Variants in EYS observed in about 807,000 individuals in gnomAD.
EYS encodes the protein EGF-like photoreceptor maintenance factor.
A neutral mutation model predicts 282.1 loss-of-function variants in EYS; 250 were observed. That is an observed-to-expected ratio of 0.89 (90% confidence interval 0.80 to 0.98). The LOEUF is 0.98. Ranked by LOEUF, EYS falls within the 50% of genes least tolerant of loss-of-function variation. The probability of loss-of-function intolerance (pLI) is 0.00; values close to 1 mark genes in which losing one functional copy is unlikely to be tolerated. For missense variants in EYS, 4,016 were observed against 3,709.0 expected (o/e 1.08, Z -2.15); for synonymous variants, 1,355 against 1,282.9 (o/e 1.06, Z -1.20).
intron 31 of EYS, among the ~76,000 whole-genome samples, chr6:64,139,555 T>C (rs1425065760): frequency 6.6e-6 from 1 of 152,176 alleles, no homozygotes; most frequent in Non-Finnish European, 1.5e-5. Flanking sequence ...GCTCCACATA[T>C]TTAAAAGGGA....
At chr6:64,644,955 T>C (rs1768298211) in intron 22 of EYS, among the ~76,000 whole-genome samples, 1 of 152,220 alleles carries the variant, frequency 6.6e-6, no homozygotes, top group Non-Finnish European at 1.5e-5. Flanking sequence ...TTATTAGTAG[T>C]TATTTTCTGT....
At chr6:65,238,068 A>G (rs936248647) in intron 12 of EYS, among the ~76,000 whole-genome samples, 1 of 151,936 alleles carries the variant, frequency 6.6e-6, no homozygotes, top group Admixed American at 6.6e-5. Flanking sequence ...ATAGATGGAA[A>G]CATTTTTCTT....
chr6:65,563,460 AATTT>A (rs965936275), intron 2 of EYS, among the ~76,000 whole-genome samples: 2 of 152,060 alleles, frequency 1.3e-5, no homozygotes, highest in African/African-American at 2.4e-5. Flanking sequence ...GTATGATCAA[AATTT>A]ATTTGTTATA....
At chr6:64,782,797 T>C (rs181113634) in intron 22 of EYS, among the ~76,000 whole-genome samples, 284 of 152,336 alleles carry the variant, frequency 1.9e-3, no homozygotes, top group Non-Finnish European at 3.4e-4. Context: ...CAATTACATA[T>C]ATTTTTTGTT....
intron 28 of EYS, among the ~76,000 whole-genome samples, chr6:64,412,040 C>A (rs1773918636): frequency 9.6e-6 from 1 of 104,256 alleles, no homozygotes; most frequent in Non-Finnish European, 2.2e-5. Context: ...GAATTGATAT[C>A]CAAATATAGC....
intron 39 of EYS, among the ~76,000 whole-genome samples, chr6:63,784,836 G>A (rs549511682): frequency 2.8e-4 from 42 of 152,116 alleles, no homozygotes; most frequent in Non-Finnish European, 5.1e-4. Context: ...TGTCTGTTGC[G>A]TTCTAGAGCA....
intron 30 of EYS, among the ~76,000 whole-genome samples, chr6:64,237,535 A>C (rs1340340533): frequency 1.3e-5 from 2 of 152,178 alleles, no homozygotes; most frequent in Non-Finnish European, 2.9e-5. Context: ...TTCAGTTTTC[A>C]CACAGGGTAA....
intron 22 of EYS, among the ~76,000 whole-genome samples, chr6:64,746,439 T>C (rs1459630726): frequency 1.3e-5 from 2 of 152,046 alleles, no homozygotes; most frequent in East Asian, 1.9e-4. Context: ...TCCAGAACCA[T>C]GAGCCAATAC....
At chr6:63,811,924 CT>C (rs1236328179) in intron 36 of EYS, among the ~76,000 whole-genome samples, 1 of 152,140 alleles carries the variant, frequency 6.6e-6, no homozygotes, top group African/African-American at 2.4e-5. Flanking sequence ...TACACTGCCG[CT>C]TTTCACTGTG....
chr6:65,620,810 A>G (rs533113918), intron 2 of EYS, among the ~76,000 whole-genome samples: 243 of 152,148 alleles, frequency 1.6e-3, no homozygotes, highest in African/African-American at 5.6e-3. Context: ...TTTGTTATGT[A>G]CCCAGTAGTC....
At chr6:64,672,037 T>C (rs1583023457) in intron 22 of EYS, among the ~76,000 whole-genome samples, 1 of 152,324 alleles carries the variant, frequency 6.6e-6, no homozygotes, top group South Asian at 2.1e-4. Context: ...ATATGGCATT[T>C]TATTACTGAA....
chr6:65,661,772 A>G (rs1768009176), intron 1 of EYS, among the ~76,000 whole-genome samples: 1 of 152,106 alleles, frequency 6.6e-6, no homozygotes, highest in Non-Finnish European at 1.5e-5. Flanking sequence ...AGATGGTAAA[A>G]ATCTGTGCCT....
At chr6:64,794,008 C>T (rs1350712305) in intron 22 of EYS, among the ~76,000 whole-genome samples, 1 of 151,956 alleles carries the variant, frequency 6.6e-6, no homozygotes, top group African/African-American at 2.4e-5. Context: ...TTTCCTTGCC[C>T]CAGGCCCTGG....
intron 26 of EYS, among the ~76,000 whole-genome samples, chr6:64,543,919 T>C (rs775101014): frequency 2.0e-5 from 3 of 152,208 alleles, no homozygotes; most frequent in African/African-American, 7.2e-5. Context: ...TCAAACTTTA[T>C]ATGCCCTGCT....
chr6:64,350,938 T>C (rs905378920), intron 29 of EYS, among the ~76,000 whole-genome samples: 3 of 151,482 alleles, frequency 2.0e-5, no homozygotes, highest in Non-Finnish European at 4.4e-5. Context: ...AAGGGGCTTT[T>C]CCCAACTTCA....
intron 33 of EYS, among the ~76,000 whole-genome samples, chr6:64,010,404 G>T (rs149137842): frequency 1.1e-4 from 15 of 140,846 alleles, no homozygotes; most frequent in African/African-American, 2.9e-4. Context: ...GGGGGGGGGG[G>T]TGGTGGTGTG....
chr6:64,975,214 T>G (rs2150113256), intron 14 of EYS, among the ~76,000 whole-genome samples: 1 of 151,870 alleles, frequency 6.6e-6, no homozygotes, highest in Middle Eastern at 3.4e-3. Context: ...CACCACTTAT[T>G]GAATAAGATA....
intron 23 of EYS, among the ~76,000 whole-genome samples, chr6:64,621,702 T>A (rs1767451615): frequency 6.6e-6 from 1 of 152,220 alleles, no homozygotes; most frequent in Non-Finnish European, 1.5e-5. Context: ...AGTGCAGCAT[T>A]TCTGCTACAA....
At chr6:64,112,196 A>T (rs1773225810) in intron 31 of EYS, among the ~76,000 whole-genome samples, 1 of 152,184 alleles carries the variant, frequency 6.6e-6, no homozygotes, top group South Asian at 2.1e-4. Flanking sequence ...TGTTTTAAAG[A>T]GTTTAATCCA....
Sources: gnomAD v4.1 joint callset for allele counts (sites outside exome capture counted in the v4.1 genomes callset) on GRCh38, gnomAD v4.1.1 for gene constraint, MANE v1.5 for transcripts, NCBI Gene and HGNC (gene_info 2026-07-23, HGNC 2026-07-21) for gene names.